The following RELN variants were observed in gnomAD, a reference collection of about 807,000 sequenced individuals.
The protein encoded by RELN is reelin.
Under a neutral mutation model 427.6 loss-of-function variants are expected in RELN, and 108 were observed. The observed-to-expected ratio is 0.25, with a 90% CI of 0.22 to 0.30. The LOEUF is 0.30. RELN is among the 10% of genes least tolerant of loss of function. The pLI is 1.00. For synonymous variants in RELN, 1,524 were observed against 1,513.4 expected (o/e 1.01, Z -0.16); for missense variants, 3,715 against 4,302.8 (o/e 0.86, Z 3.82).
Position 103,486,512 on chromosome 7 carries a change from A to T in RELN, c.9764-96T>A, listed in dbSNP as rs200205866. ...TCAAGTTCAGGTTTAAGTAGTTGTT[A>T]CTGTAAGAATGGCAAAATACAAGGA... On this transcript the variant is annotated intron_variant, in intron 60 of 64. Coordinates refer to ENST00000428762, the MANE Select transcript of RELN (RefSeq NM_005045.4). 3.1e-6 allele frequency: 3 copies of T among 961,674 alleles called. No homozygotes were observed. In the East Asian group the frequency reaches 7.7e-5, roughly 25 times the overall value. The allele number at this position is 961,674 out of a possible 1,614,324, so 59.6% of individuals were successfully genotyped here.
chr7:103,635,632 A>C (rs950218306), intron 18 of RELN, 46 bp from the exon 19 acceptor site: 5 of 1,508,628 alleles, frequency 3.3e-6, no homozygotes, highest in Non-Finnish European at 4.6e-6. Flanking sequence ...AACATTTTTA[A>C]TCATAATGTT....
At chr7:103,697,426 C>T (rs551275282) in intron 10 of RELN, among the ~76,000 whole-genome samples, 41 of 152,172 alleles carry the variant, frequency 2.7e-4, no homozygotes, top group African/African-American at 9.1e-4. Context: ...CCTTTGTAAC[C>T]CCCCAGGTCT....
intron 12 of RELN, among the ~76,000 whole-genome samples, chr7:103,658,865 C>G (rs145391546): frequency 6.6e-6 from 1 of 151,906 alleles, no homozygotes; most frequent in Non-Finnish European, 1.5e-5. Context: ...GCCATTACCC[C>G]CAAACCACTG....
chr7:103,772,488 A>G (rs529051843), intron 4 of RELN, among the ~76,000 whole-genome samples: 5 of 152,224 alleles, frequency 3.3e-5, no homozygotes, highest in African/African-American at 9.6e-5. Flanking sequence ...TGTCTGGCAC[A>G]TAACAGTGTT....
At chr7:103,921,098 C>T (rs1795608364) in intron 1 of RELN, among the ~76,000 whole-genome samples, 1 of 152,144 alleles carries the variant, frequency 6.6e-6, no homozygotes, top group Non-Finnish European at 1.5e-5. Flanking sequence ...CTTGTGTAAG[C>T]ACTGTAATTT....
chr7:103,846,304 A>G (rs781545092), intron 2 of RELN, among the ~76,000 whole-genome samples: 1 of 152,198 alleles, frequency 6.6e-6, no homozygotes, highest in Non-Finnish European at 1.5e-5. Context: ...GATCTTTGAC[A>G]AACCTGACAG....
chr7:103,922,715 T>C (rs1795643257), intron 1 of RELN, among the ~76,000 whole-genome samples: 1 of 152,124 alleles, frequency 6.6e-6, no homozygotes, highest in South Asian at 2.1e-4. Flanking sequence ...CTAATACCAT[T>C]CTTGCAGAAA....
chr7:103,517,742 T>C (rs1829601244), intron 49 of RELN, among the ~76,000 whole-genome samples: 1 of 152,198 alleles, frequency 6.6e-6, no homozygotes, highest in Non-Finnish European at 1.5e-5. Context: ...AAGTGGAAGA[T>C]TTAAAAGTTT....
chr7:103,520,437 G>A (rs145219383), intron 48 of RELN, among the ~76,000 whole-genome samples: 3 of 152,064 alleles, frequency 2.0e-5, no homozygotes, highest in Admixed American at 6.6e-5. Flanking sequence ...TACCACACCC[G>A]GCTAATTTTT....
intron 8 of RELN, among the ~76,000 whole-genome samples, chr7:103,719,377 G>C (rs1017390097): frequency 6.6e-6 from 1 of 152,072 alleles, no homozygotes; most frequent in Non-Finnish European, 1.5e-5. Flanking sequence ...CCTTCCTCAA[G>C]AACCTCATTA....
At chr7:103,560,191 T>C (rs1830612068) in intron 36 of RELN, among the ~76,000 whole-genome samples, 1 of 152,234 alleles carries the variant, frequency 6.6e-6, no homozygotes. Flanking sequence ...GATCCATTTG[T>C]GCTAAATGTG....
chr7:103,698,408 T>C (rs1206272527), intron 9 of RELN, among the ~76,000 whole-genome samples: 2 of 152,206 alleles, frequency 1.3e-5, no homozygotes, highest in Non-Finnish European at 2.9e-5. Flanking sequence ...CTATGGCTTG[T>C]GTAAAAAAAT....
intron 2 of RELN, among the ~76,000 whole-genome samples, chr7:103,878,550 C>T (rs943943112): frequency 1.3e-5 from 2 of 152,056 alleles, no homozygotes; most frequent in African/African-American, 2.4e-5. Flanking sequence ...TCACCTGGGG[C>T]GCTGACTAGA....
chr7:103,602,828 T>C (rs990391465), intron 24 of RELN, among the ~76,000 whole-genome samples: 2 of 151,178 alleles, frequency 1.3e-5, no homozygotes, highest in African/African-American at 2.4e-5. Context: ...CTTAAATAAT[T>C]AAAAAAAAAT....
intron 4 of RELN, among the ~76,000 whole-genome samples, chr7:103,767,421 G>C (rs542672787): frequency 6.6e-6 from 1 of 152,250 alleles, no homozygotes; most frequent in African/African-American, 2.4e-5. Context: ...TGTAGATTTT[G>C]CCAAGTTAGC....
At chr7:103,675,432 C>T (rs978850170) in intron 11 of RELN, among the ~76,000 whole-genome samples, 2 of 152,056 alleles carry the variant, frequency 1.3e-5, no homozygotes, top group East Asian at 3.9e-4. Flanking sequence ...TGGATAGGAA[C>T]AATCAATATC....
At chr7:103,598,441 T>C (rs1016183) in intron 24 of RELN, among the ~76,000 whole-genome samples, 1,852 of 152,286 alleles carry the variant, frequency 0.012, 55 homozygotes, top group African/African-American at 0.043. Flanking sequence ...AGAAAAACTA[T>C]AGAACCTAGC....
chr7:103,555,823 T>C (rs1830509443), intron 38 of RELN, among the ~76,000 whole-genome samples: 1 of 152,218 alleles, frequency 6.6e-6, no homozygotes, highest in Non-Finnish European at 1.5e-5. Context: ...TATACATATA[T>C]GTTTCACAAT....
At position 103,988,385 on chromosome 7, in the gene RELN, G is replaced by T. The variant is rs1478261322; in HGVS notation, c.226+746C>A. Among the ~76,000 whole-genome samples the T allele has an allele frequency of 6.6e-6, 1 of 152,136 alleles. No individual in the cohort carries two copies. Among genetic ancestry groups the T allele is most frequent in the African/African-American group, 2.4e-5 (1 of 41,416 alleles). On this transcript the variant is annotated intron_variant, in intron 1 of 64. Transcript: ENST00000428762. This position sits in a 1 kb window ranked among gnomAD's most constrained non-coding sequence, Gnocchi z 4.9. ...TTTAAGATACCTCTAAATTATAAGG[G>T]ATTCCAGCCTCTACCTGGAAATTAA...
Sources: gnomAD v4.1 joint callset for allele counts (sites outside exome capture counted in the v4.1 genomes callset) on GRCh38, gnomAD v4.1.1 for gene constraint, Gnocchi (gnomAD v3.1) non-coding constraint, MANE v1.5 for transcripts, NCBI Gene and HGNC (gene_info 2026-07-23, HGNC 2026-07-21) for gene names.